Variants in JMJD1C observed in about 807,000 individuals in gnomAD.
JMJD1C encodes the protein jumonji domain-containing protein 1C.
A neutral mutation model predicts 245.3 loss-of-function variants in JMJD1C; 31 were observed. The ratio of observed to expected loss-of-function variants is 0.13; its 90% CI spans 0.09 to 0.17. The LOEUF is 0.17. Ranked by LOEUF, JMJD1C falls within the 10% of genes least tolerant of loss-of-function variation. The pLI, the probability that JMJD1C is intolerant of heterozygous loss-of-function variation, is 1.00. For synonymous variants in JMJD1C, 1,057 were observed against 1,017.4 expected, an observed-to-expected ratio of 1.04 and a Z score of -0.74; for missense variants, 2,691 against 3,000.2, an observed-to-expected ratio of 0.90 and a Z score of 2.41.
intron 1 of JMJD1C, among the ~76,000 whole-genome samples, chr10:63,424,811 C>G (rs1281143917): frequency 6.6e-6 from 1 of 152,072 alleles, no homozygotes; most frequent in African/African-American, 2.4e-5. Flanking sequence ...TTTCTTTACT[C>G]AGAGAAATAA....
rs946086198 is a variant in JMJD1C at position 63,168,415 on chromosome 10, C to G, written c.7533+20G>C. The G allele has an allele frequency of 6.3e-7, 1 of 1,593,568 alleles. No homozygotes were observed. Among genetic ancestry groups the G allele is most frequent in the Non-Finnish European group, 8.5e-7 (1 of 1,173,404 alleles). ...ATATAAAAAGCCTGAAGAACAGGAC[C>G]TAGAACACCCAACTCTTACCTGTAG... On this transcript the variant is annotated intron_variant, in intron 25 of 25. Transcript: ENST00000399262.
intron 1 of JMJD1C, among the ~76,000 whole-genome samples, chr10:63,399,076 C>G (rs1948692980): frequency 6.6e-6 from 1 of 152,154 alleles, no homozygotes; most frequent in Non-Finnish European, 1.5e-5. Context: ...CTTCCCTGAA[C>G]AGTAAACAAT....
At chr10:63,225,887 C>A in intron 3 of JMJD1C, among the ~76,000 whole-genome samples, 1 of 151,878 alleles carries the variant, frequency 6.6e-6, no homozygotes, top group East Asian at 1.9e-4. Flanking sequence ...CTGATATACA[C>A]AGTATGTTCA....
chr10:63,521,824 C>G (rs1289677058), exon 1 of JMJD1C: 2 of 181,098 alleles, frequency 1.1e-5, no homozygotes, highest in Non-Finnish European at 1.9e-5. Context: ...GCGGCTGTGG[C>G]GCTGCTCGGC....
chr10:63,409,739 G>GT (rs1949377266), intron 1 of JMJD1C, among the ~76,000 whole-genome samples: 1 of 152,148 alleles, frequency 6.6e-6, no homozygotes, highest in South Asian at 2.1e-4. Context: ...GTATCTGTTT[G>GT]TGGGAGACCA....
chr10:63,253,243 A>G (rs1853356308), intron 3 of JMJD1C, among the ~76,000 whole-genome samples: 1 of 152,244 alleles, frequency 6.6e-6, no homozygotes, highest in Non-Finnish European at 1.5e-5. Context: ...TAGAGAGCAC[A>G]GAAATAAACT....
At chr10:63,268,857 T>C (rs947837938) in intron 2 of JMJD1C, 17 of 985,696 alleles carry the variant, frequency 1.7e-5, no homozygotes, top group Non-Finnish European at 1.8e-5. Context: ...AGCGGCGTCA[T>C]TGTATAGGAA....
intron 2 of JMJD1C, among the ~76,000 whole-genome samples, chr10:63,356,197 C>T (rs555733187): frequency 2.0e-4 from 30 of 152,292 alleles, no homozygotes; most frequent in African/African-American, 7.0e-4. Context: ...CTACATATTA[C>T]TGACCAATAA....
At chr10:63,418,879 C>G (rs1341195082) in intron 1 of JMJD1C, among the ~76,000 whole-genome samples, 1 of 151,950 alleles carries the variant, frequency 6.6e-6, no homozygotes, top group Non-Finnish European at 1.5e-5. Flanking sequence ...GAGTTCGAGA[C>G]CAGCCTGGCC....
At chr10:63,263,982 A>ACACACACACT (rs1855177072) in intron 3 of JMJD1C, among the ~76,000 whole-genome samples, 1 of 109,946 alleles carries the variant, frequency 9.1e-6, no homozygotes, top group South Asian at 3.0e-4. Context: ...ACACACACAC[A>ACACACACACT]CACACACACA....
chr10:63,283,627 G>A (rs1398599591), intron 2 of JMJD1C, among the ~76,000 whole-genome samples: 1 of 151,938 alleles, frequency 6.6e-6, no homozygotes, highest in South Asian at 2.1e-4. Flanking sequence ...TCGGCCTCCC[G>A]AAGGGCTGGG....
intron 2 of JMJD1C, among the ~76,000 whole-genome samples, chr10:63,345,491 A>G: frequency 6.7e-6 from 1 of 149,790 alleles, no homozygotes; most frequent in Non-Finnish European, 1.5e-5. Flanking sequence ...TTTGTCTCAA[A>G]AAAAAAAAAA....
At chr10:63,394,720 T>C (rs1176314378) in intron 1 of JMJD1C, among the ~76,000 whole-genome samples, 2 of 152,058 alleles carry the variant, frequency 1.3e-5, no homozygotes, top group Non-Finnish European at 2.9e-5. Context: ...GGCGCATGCC[T>C]GCAATCCCAG....
intron 2 of JMJD1C, chr10:63,301,715 A>T (rs1270908759): frequency 2.2e-6 from 1 of 450,564 alleles, no homozygotes; most frequent in Non-Finnish European, 4.4e-6. Flanking sequence ...ATATGCAGGG[A>T]TTAAAACCTT....
At chr10:63,258,449 T>C (rs1186127249) in intron 3 of JMJD1C, among the ~76,000 whole-genome samples, 1 of 152,224 alleles carries the variant, frequency 6.6e-6, no homozygotes. Flanking sequence ...CTGTGCTTAG[T>C]GATCTTTTCC....
intron 1 of JMJD1C, among the ~76,000 whole-genome samples, chr10:63,501,749 C>G (rs1018344670): frequency 6.6e-6 from 1 of 151,992 alleles, no homozygotes; most frequent in East Asian, 1.9e-4. Flanking sequence ...GCACTCCAGC[C>G]TGGACAACAG....
chr10:63,277,833 T>C (rs1344091331), intron 2 of JMJD1C, among the ~76,000 whole-genome samples: 1 of 145,886 alleles, frequency 6.9e-6, no homozygotes. Context: ...TGCCTCTTGG[T>C]TCAAAAGATT....
At chr10:63,447,722 C>T (rs1320351859) in intron 1 of JMJD1C, among the ~76,000 whole-genome samples, 1 of 151,834 alleles carries the variant, frequency 6.6e-6, no homozygotes, top group Admixed American at 6.6e-5. Flanking sequence ...CATTGTCCAT[C>T]TAGTTGCAGT....
At chr10:63,195,291 T>C (rs527563651) in intron 13 of JMJD1C, among the ~76,000 whole-genome samples, 8 of 150,800 alleles carry the variant, frequency 5.3e-5, no homozygotes, top group Non-Finnish European at 1.0e-4. Flanking sequence ...GAGGTGCAGG[T>C]TGCAGCAAGC....
Sources: allele counts gnomAD v4.1 joint callset (sites outside exome capture counted in the v4.1 genomes callset), GRCh38; gene constraint gnomAD v4.1.1; transcripts MANE v1.5; gene names NCBI Gene and HGNC (gene_info 2026-07-23, HGNC 2026-07-21).